The following TENM1 variants were observed in gnomAD, a reference collection of about 807,000 sequenced individuals.
TENM1 encodes the protein teneurin transmembrane protein 1, also known as teneurin-1.
A neutral mutation model predicts 174.8 loss-of-function variants in TENM1; 35 were observed. The observed-to-expected ratio is 0.20, with a 90% CI of 0.15 to 0.27. The LOEUF is 0.27. Among genes scored for constraint, TENM1 ranks in the 10% least tolerant of loss-of-function variants. The pLI is 1.00. For missense variants in TENM1, 1,633 were observed against 2,130.1 expected, an observed-to-expected ratio of 0.77 and a Z score of 4.59; for synonymous variants, 781 against 798.7, an observed-to-expected ratio of 0.98 and a Z score of 0.37.
intron 1 of TENM1, among the ~76,000 whole-genome samples, chrX:124,950,683 A>T (rs771023927): frequency 9.0e-6 from 1 of 111,691 alleles, no homozygotes; most frequent in South Asian, 3.7e-4. Context: ...CTGAAATAGA[A>T]TCAAATTTTA....
the TENM1 span, among the ~76,000 whole-genome samples, chrX:125,085,210 AT>A: frequency 9.0e-6 from 1 of 111,012 alleles, no homozygotes; most frequent in Non-Finnish European, 1.9e-5. Context: ...ACCTACACAA[AT>A]GACAACTGAA....
At chrX:124,699,692 A>T (rs1435721061) in intron 5 of TENM1, among the ~76,000 whole-genome samples, 1 of 111,825 alleles carries the variant, frequency 8.9e-6, no homozygotes, top group African/African-American at 3.2e-5. Flanking sequence ...TTGGATTTAT[A>T]CTTTTATTTA....
At chrX:124,850,921 T>C (rs1018982965) in intron 3 of TENM1, among the ~76,000 whole-genome samples, 5 of 111,588 alleles carry the variant, frequency 4.5e-5, no homozygotes, top group African/African-American at 9.8e-5. Flanking sequence ...TCAAACACTA[T>C]GAGAGCCAAG....
At chrX:124,992,687 T>A in the TENM1 span, among the ~76,000 whole-genome samples, 1 of 111,327 alleles carries the variant, frequency 9.0e-6, no homozygotes, top group Non-Finnish European at 1.9e-5. Flanking sequence ...AAAGAATGCA[T>A]GCTCAAAGAG....
chrX:125,135,873 A>G, the TENM1 span, among the ~76,000 whole-genome samples: 1 of 112,009 alleles, frequency 8.9e-6, no homozygotes, highest in African/African-American at 3.2e-5. Flanking sequence ...TCTATAAATC[A>G]GAATACAAAT....
chrX:124,450,397 G>A lies in TENM1; in HGVS notation c.4104+2940C>T, dbSNP rs1017372179. On this transcript the variant is annotated intron_variant, in intron 23 of 31. Transcript: ENST00000422452. ...AAAAAATGGGAGTTTCCCTGCACAA[G>A]CTCTCTGTTTGGCTGCTGCCATCCA... Among the ~76,000 whole-genome samples the A allele has an allele frequency of 7.4e-4, 80 of 108,052 alleles. 1 individual carries two copies. The highest frequency in any genetic ancestry group is 2.5e-4 in the Non-Finnish European group (13 of 52,412). The allele number at this position is 108,052 out of a possible 115,157, so 93.8% of individuals were successfully genotyped here. A position where few individuals can be genotyped will look rare whatever the true frequency, so the allele number is the denominator to read the frequency against.
chrX:124,388,678 G>C (rs748952585), intron 28 of TENM1, among the ~76,000 whole-genome samples: 1 of 112,236 alleles, frequency 8.9e-6, no homozygotes, highest in Non-Finnish European at 1.9e-5. Context: ...AACAACAACA[G>C]CAACAGCAAT....
intron 11 of TENM1, among the ~76,000 whole-genome samples, chrX:124,575,394 GATTCAAAATGATACAAA>G (rs2049144973): frequency 8.9e-6 from 1 of 111,799 alleles, no homozygotes; most frequent in African/African-American, 3.3e-5. Flanking sequence ...AAACTGAAGA[GATTCAAAATGATACAAA>G]ATGTCAGCTA....
intron 21 of TENM1, among the ~76,000 whole-genome samples, chrX:124,486,630 AG>A (rs1252746540): frequency 8.9e-6 from 1 of 112,460 alleles, no homozygotes; most frequent in Non-Finnish European, 1.9e-5. Flanking sequence ...CACATTGAAT[AG>A]AAATATTCAT....
At chrX:124,518,184 C>T (rs1382578883) in intron 18 of TENM1, among the ~76,000 whole-genome samples, 1 of 110,523 alleles carries the variant, frequency 9.0e-6, no homozygotes, top group Non-Finnish European at 1.9e-5. Context: ...GGCTACTAGA[C>T]AGGGGCTGCT....
the TENM1 span, among the ~76,000 whole-genome samples, chrX:125,177,565 A>T: frequency 3.6e-5 from 4 of 112,342 alleles, no homozygotes; most frequent in African/African-American, 1.3e-4. Flanking sequence ...TTCTCAATAT[A>T]CTTTGGAAAT....
At chrX:124,649,268 A>G (rs2051237141) in intron 8 of TENM1, among the ~76,000 whole-genome samples, 1 of 112,214 alleles carries the variant, frequency 8.9e-6, no homozygotes, top group Non-Finnish European at 1.9e-5. Flanking sequence ...TGATATTTGC[A>G]TCTTCGCTGA....
chrX:124,865,978 G>A (rs767739329), intron 3 of TENM1, among the ~76,000 whole-genome samples: 18 of 111,760 alleles, frequency 1.6e-4, no homozygotes, highest in Non-Finnish European at 1.5e-4. Context: ...ATACATATAT[G>A]CAGCCAACAC....
rs187966004 is a variant in TENM1 at position 124,927,764 on chromosome X, C to G, written c.218-31523G>C. 3.6e-5 allele frequency among the ~76,000 whole-genome samples: 4 copies of G among 111,230 alleles called. No individual in the cohort carries two copies. In the East Asian group the frequency reaches 8.5e-4, roughly 24 times the overall value. ...ATCCTAAGGTACAGCCAGTGTTGAA[C>G]CACCACCAGTCTAAATGGAATAAAT... On this transcript the variant is annotated intron_variant, in intron 1 of 31. Transcript: ENST00000422452.
chrX:124,584,619 C>T (rs7879373), intron 11 of TENM1, among the ~76,000 whole-genome samples: 2,378 of 110,636 alleles, frequency 0.021, 82 homozygotes, highest in African/African-American at 0.075. Flanking sequence ...AGGAAGAAAC[C>T]GCATCAACTA....
intron 1 of TENM1, among the ~76,000 whole-genome samples, chrX:124,927,123 T>G (rs1353928211): frequency 1.8e-5 from 2 of 111,923 alleles, no homozygotes; most frequent in African/African-American, 6.5e-5. Flanking sequence ...CTCACATCAA[T>G]CTTTTGGGGT....
chrX:124,895,834 A>C (rs777437685), intron 2 of TENM1, 147 bp downstream of exon 5: 18 of 624,057 alleles, frequency 2.9e-5, no homozygotes, highest in Middle Eastern at 9.1e-4. Flanking sequence ...ACTTAGGTGC[A>C]TGCCTTGTCC....
chrX:124,376,329 C>T (rs775635520), exon 32 of TENM1: 1 of 112,436 alleles, frequency 8.9e-6, no homozygotes, highest in Admixed American at 9.4e-5. Flanking sequence ...GGCTATACTT[C>T]TCTTTTTCGC....
At chrX:124,907,534 C>T (rs914974747) in intron 1 of TENM1, among the ~76,000 whole-genome samples, 6 of 111,842 alleles carry the variant, frequency 5.4e-5, no homozygotes, top group African/African-American at 1.9e-4. Context: ...CCCATAGCTA[C>T]AAATTTCTCT....
Sources: gnomAD v4.1 joint callset for allele counts (sites outside exome capture counted in the v4.1 genomes callset) on GRCh38, gnomAD v4.1.1 for gene constraint, MANE v1.5 for transcripts, NCBI Gene and HGNC (gene_info 2026-07-23, HGNC 2026-07-21) for gene names.